HLTF: variants seen among roughly 807,000 people sequenced by gnomAD.
HLTF encodes helicase like transcription factor, also known as DNA-dependent ATPase/E3 ubiquitin-protein ligase HLTF.
Under a neutral mutation model 129.4 loss-of-function variants are expected in HLTF, and 127 were observed. That is an observed-to-expected ratio of 0.98 (90% CI 0.85 to 1.14). The LOEUF is 1.14. HLTF is among the 50% of genes most tolerant of loss of function. HLTF has a pLI of 0.00. For missense variants in HLTF, 1,139 were observed against 1,187.1 expected, an observed-to-expected ratio of 0.96 and a Z score of 0.60; for synonymous variants, 332 against 388.8, an observed-to-expected ratio of 0.85 and a Z score of 1.72.
At position 149,071,750 on chromosome 3, in the gene HLTF, C is replaced by T. The variant is rs537748836; in HGVS notation, c.628-93G>A. 53 of 840,450 alleles carry T rather than the reference C, an allele frequency of 6.3e-5. No individual in the cohort carries two copies. The East Asian group carries it at 9.8e-4, about 16-fold the overall frequency. The allele number at this position is 840,450 out of a possible 1,614,324, so 52.1% of individuals were successfully genotyped here. ...GATTTGAAATCATTTAATTAACTGGCGTTAATGTCAAACGGGCCAGGAGTG... is the reference window on the plus strand; with the variant it reads ...GATTTGAAATCATTTAATTAACTGGTGTTAATGTCAAACGGGCCAGGAGTG... On this transcript the variant is annotated intron_variant, in intron 5 of 24. Coordinates refer to ENST00000310053, the MANE Select transcript of HLTF (RefSeq NM_003071.4).
At chr3:149,045,365 T>C (rs1211650599) in intron 18 of HLTF, among the ~76,000 whole-genome samples, 2 of 152,190 alleles carry the variant, frequency 1.3e-5, no homozygotes, top group African/African-American at 2.4e-5. Context: ...AACTTAATCA[T>C]GTTTTTAAAT....
At chr3:149,085,872 G>A (rs1347625190) in intron 1 of HLTF, among the ~76,000 whole-genome samples, 2 of 152,174 alleles carry the variant, frequency 1.3e-5, no homozygotes, top group Non-Finnish European at 2.9e-5. Flanking sequence ...TTTGCGATGC[G>A]TTTTCCTTGC....
At chr3:149,078,596 G>A (rs539652839) in intron 2 of HLTF, among the ~76,000 whole-genome samples, 15 of 151,948 alleles carry the variant, frequency 9.9e-5, no homozygotes, top group African/African-American at 2.9e-4. Context: ...AGTGGCTCAC[G>A]CCTGTAATCC....
intron 2 of HLTF, among the ~76,000 whole-genome samples, chr3:149,082,002 C>T (rs1459262600): frequency 1.3e-5 from 2 of 152,120 alleles, no homozygotes; most frequent in Admixed American, 1.3e-4. Context: ...GTTTGAATAT[C>T]TAAATAAAAT....
intron 24 of HLTF, among the ~76,000 whole-genome samples, chr3:149,033,323 C>T (rs1180909517): frequency 2.6e-5 from 4 of 152,028 alleles, no homozygotes; most frequent in South Asian, 2.1e-4. Flanking sequence ...TGGAAACATT[C>T]GTTACTTATA....
rs1576595446 is a variant in HLTF, at chr3:149,055,502, G to A, written c.1376-102C>T. ...GTGCCTCCATGAAAAGATAAATTAG[G>A]AACAATTAAAATGAAGCAGATGGAC... On this transcript the variant is annotated intron_variant, in intron 13 of 24. Transcript: ENST00000310053. The A allele has an allele frequency of 6.6e-6, 5 of 759,710 alleles. No individual in the cohort carries two copies. In the Admixed American group the frequency reaches 1.2e-4, roughly 19 times the overall value. The allele number at this position is 759,710 out of a possible 1,614,324, so 47.1% of individuals were successfully genotyped here.
intron 8 of HLTF, among the ~76,000 whole-genome samples, chr3:149,067,494 A>G (rs992111523): frequency 2.0e-5 from 3 of 152,046 alleles, no homozygotes; most frequent in African/African-American, 7.2e-5. Flanking sequence ...CAAATTGTCC[A>G]CCTTTATTTT....
At chr3:149,062,452 G>C (rs756603568) in intron 10 of HLTF, among the ~76,000 whole-genome samples, 1 of 152,162 alleles carries the variant, frequency 6.6e-6, no homozygotes, top group Admixed American at 6.6e-5. Context: ...AATTAACATA[G>C]CCAGTTTCAA....
intron 23 of HLTF, 53 bp from the exon 24 acceptor site, chr3:149,035,051 T>C: frequency 7.7e-7 from 1 of 1,305,012 alleles, no homozygotes; most frequent in Non-Finnish European, 1.1e-6. Flanking sequence ...TTTCAGTGTT[T>C]TGCATTTGTC....
At chr3:149,054,181 T>C (rs961257952) in intron 14 of HLTF, among the ~76,000 whole-genome samples, 4 of 152,116 alleles carry the variant, frequency 2.6e-5, no homozygotes, top group African/African-American at 9.7e-5. Flanking sequence ...GAACTAATGG[T>C]ACAAGCCAGA....
chr3:149,045,414 G>A (rs1192206429), intron 18 of HLTF, among the ~76,000 whole-genome samples: 3 of 152,092 alleles, frequency 2.0e-5, no homozygotes, highest in African/African-American at 7.2e-5. Context: ...TTCCTCGAGT[G>A]CAGGCATTTT....
At chr3:149,036,908 C>T (rs981515919) in intron 23 of HLTF, among the ~76,000 whole-genome samples, 7 of 152,158 alleles carry the variant, frequency 4.6e-5, no homozygotes, top group African/African-American at 1.7e-4. Flanking sequence ...TATAAAACTG[C>T]TAAAACGTTC....
At chr3:149,043,519 C>T (rs1278037692) in intron 18 of HLTF, among the ~76,000 whole-genome samples, 1 of 102,658 alleles carries the variant, frequency 9.7e-6, no homozygotes, top group African/African-American at 3.6e-5. Context: ...AGGGGAAAGT[C>T]AACAAAGAAG....
rs887689749 is a variant in HLTF, at chr3:149,041,662, T to A, written c.2204A>T (p.Asp735Val). 5.6e-6 allele frequency: 9 copies of A among 1,606,582 alleles called. No individual in the cohort carries two copies. The highest frequency in any genetic ancestry group is 1.1e-5 in the South Asian group (1 of 90,600). ...CTTCTTTCTCAGTTCTTCAGGTGTA[T>A]CATTTCCTAGAGAAAAGGCTGAAAA... is the stretch of plus-strand genomic sequence containing the variant. ...AVSSNGPSGN[D>V]TPEELRKKLI... Residue 735 changes from aspartate to valine, a missense_variant, in exon 20 of 25, where the codon GAT becomes GTT. Coordinates refer to ENST00000310053, the MANE Select transcript of HLTF (RefSeq NM_003071.4).
chr3:149,042,349 T>C, intron 18 of HLTF, 59 bp from the exon 19 acceptor site: 1 of 1,409,404 alleles, frequency 7.1e-7, no homozygotes, highest in Non-Finnish European at 9.8e-7. Context: ...CTTCCTATTC[T>C]AAAACAGCAG....
chr3:149,073,472 T>C (rs543772592), intron 4 of HLTF, 150 bp from the exon 5 acceptor site: 1 of 595,314 alleles, frequency 1.7e-6, no homozygotes, highest in East Asian at 2.9e-5. Context: ...GGCAGGTGGT[T>C]TGCCTGAGTC....
intron 3 of HLTF, 58 bp from the exon 4 acceptor site, chr3:149,074,406 T>G: frequency 1.2e-5 from 18 of 1,478,074 alleles, no homozygotes; most frequent in Non-Finnish European, 1.7e-5. Flanking sequence ...TTATCCCCAC[T>G]AAGAATTAGT....
Position 149,075,953 on chromosome 3 carries a change from A to G in HLTF, c.323T>C (p.Val108Ala), listed in dbSNP as rs781449206. 6.3e-7 allele frequency: 1 copy of G among 1,593,130 alleles called. No homozygotes were observed. Among genetic ancestry groups the G allele is most frequent in the Non-Finnish European group, 8.6e-7 (1 of 1,161,618 alleles). ...IKVNNVNGNQ[V>A]GHLKKELAGA... ...TGCAAGCTCTTTCTTTAAATGGCCA[A>G]CTTGATTTCCATTCACATTGTTTAC... is the stretch of plus-strand genomic sequence containing the variant. Residue 108 changes from valine (V) to alanine (A), a missense_variant, in exon 3 of 25, where the codon GTT becomes GCT. Transcript: ENST00000310053.
At chr3:149,079,750 G>A in intron 2 of HLTF, among the ~76,000 whole-genome samples, 1 of 152,038 alleles carries the variant, frequency 6.6e-6, no homozygotes. Context: ...GTGCCACCAT[G>A]CCCAGCTAAT....
Sources: gnomAD v4.1 joint callset for allele counts (sites outside exome capture counted in the v4.1 genomes callset) on GRCh38, gnomAD v4.1.1 for gene constraint, MANE v1.5 for transcripts, NCBI Gene and HGNC (gene_info 2026-07-23, HGNC 2026-07-21) for gene names.